PTPRJ: variants seen among roughly 807,000 people sequenced by gnomAD.
PTPRJ encodes the protein receptor-type tyrosine-protein phosphatase eta.
PTPRJ carries 129 observed loss-of-function variants against 141.3 expected under a neutral mutation model. The ratio of observed to expected loss-of-function variants is 0.91; its 90% confidence interval spans 0.79 to 1.06. PTPRJ has a LOEUF of 1.06. Ranked by LOEUF, PTPRJ falls within the 50% of genes least tolerant of loss-of-function variation. The pLI is 0.00. For synonymous variants in PTPRJ, 610 were observed against 640.5 expected (o/e 0.95, Z 0.72); for missense variants, 1,601 against 1,679.7 (o/e 0.95, Z 0.82).
chr11:48,097,532 C>G (rs1049236035), intron 1 of PTPRJ, among the ~76,000 whole-genome samples: 10 of 151,790 alleles, frequency 6.6e-5, no homozygotes, highest in African/African-American at 2.4e-4. Flanking sequence ...ATGGTTCCAC[C>G]TGAAGAAAAT....
At chr11:48,159,522 T>A (rs2134385024) in intron 21 of PTPRJ, among the ~76,000 whole-genome samples, 1 of 152,352 alleles carries the variant, frequency 6.6e-6, no homozygotes, top group East Asian at 1.9e-4. Flanking sequence ...TAGGCAGATC[T>A]GATTTTTAAA....
chr11:48,089,605 TTG>T (rs1321646556), intron 1 of PTPRJ, among the ~76,000 whole-genome samples: 1 of 151,616 alleles, frequency 6.6e-6, no homozygotes, highest in African/African-American at 2.4e-5. Flanking sequence ...TTGTTAATGG[TTG>T]TGTGTCTTTT....
chr11:48,052,482 A>G (rs765407323), intron 1 of PTPRJ, among the ~76,000 whole-genome samples: 12 of 152,154 alleles, frequency 7.9e-5, no homozygotes, highest in Non-Finnish European at 1.6e-4. Flanking sequence ...GCCTTGGGTT[A>G]GTGCCAGAGC....
chr11:48,024,040 C>T (rs1853736876), intron 1 of PTPRJ, among the ~76,000 whole-genome samples: 1 of 151,766 alleles, frequency 6.6e-6, no homozygotes, highest in African/African-American at 2.4e-5. Flanking sequence ...GTGTTAGCAC[C>T]CCTTATCCAG....
chr11:48,003,114 C>T (rs1209312543), intron 1 of PTPRJ, among the ~76,000 whole-genome samples: 2 of 152,074 alleles, frequency 1.3e-5, no homozygotes, highest in Non-Finnish European at 2.9e-5. Context: ...ATAAAGAGAA[C>T]TTTTTATTTT....
chr11:48,066,553 CGT>C lies in PTPRJ; in HGVS notation c.97-43504_97-43503del, dbSNP rs1565285719. Among the ~76,000 whole-genome samples, 6 of 117,160 alleles carry C rather than the reference CGT, an allele frequency of 5.1e-5. No individual in the cohort carries two copies. The East Asian group carries it at 7.1e-4, about 14-fold the overall frequency. The allele number at this position is 117,160 out of a possible 152,430, so 76.9% of individuals were successfully genotyped here. A position where few individuals can be genotyped will look rare whatever the true frequency, so the allele number is the denominator to read the frequency against. ...GCTGGTTTTATAGGAATTATCCAGT[CGT>C]ATTATTATTATTATTATTATTATTA... On this transcript the variant is annotated intron_variant, in intron 1 of 24. Transcript: ENST00000418331.
chr11:48,040,632 A>T (rs1187919203), intron 1 of PTPRJ, among the ~76,000 whole-genome samples: 5 of 123,238 alleles, frequency 4.1e-5, no homozygotes, highest in Admixed American at 7.9e-5. Context: ...TTTTTTTGAG[A>T]CGGAGTCTTT....
chr11:48,123,424 T>C (rs1268814121), intron 4 of PTPRJ, among the ~76,000 whole-genome samples, 189 bp from the exon 5 acceptor site: 1 of 152,182 alleles, frequency 6.6e-6, no homozygotes, highest in Non-Finnish European at 1.5e-5. Flanking sequence ...TGCTGTGAAA[T>C]GATGGAAATG....
At chr11:48,075,890 C>T (rs1213784061) in intron 1 of PTPRJ, among the ~76,000 whole-genome samples, 1 of 152,192 alleles carries the variant, frequency 6.6e-6, no homozygotes, top group African/African-American at 2.4e-5. Flanking sequence ...TTCAGCCAAC[C>T]TGCCCGTTGT....
At chr11:48,140,095 C>T (rs1012438322) in intron 11 of PTPRJ, among the ~76,000 whole-genome samples, 11 of 152,100 alleles carry the variant, frequency 7.2e-5, no homozygotes, top group South Asian at 2.1e-4. Context: ...AATGCAGTGA[C>T]GCAATCTCAG....
At chr11:48,126,518 G>A (rs887619919) in intron 6 of PTPRJ, among the ~76,000 whole-genome samples, 5 of 151,918 alleles carry the variant, frequency 3.3e-5, no homozygotes, top group African/African-American at 9.7e-5. Context: ...CTGAGACTGG[G>A]GTGCAGCATG....
intron 22 of PTPRJ, 35 bp from the exon 23 acceptor site, chr11:48,163,419 CCTTT>C (rs3830431): frequency 0.53 from 847,907 of 1,594,242 alleles, 235,305 homozygotes; most frequent in Admixed American, 0.62. Flanking sequence ...TGTTAGGCAG[CCTTT>C]CTGTCTGGAT....
intron 1 of PTPRJ, among the ~76,000 whole-genome samples, chr11:48,036,349 CAG>C (rs1266538833): frequency 1.3e-5 from 2 of 152,234 alleles, no homozygotes; most frequent in African/African-American, 4.8e-5. Flanking sequence ...GTTTTAACTG[CAG>C]AGTTTCCAGT....
Position 48,156,018 on chromosome 11 carries a change from CA to C in PTPRJ, c.3339del (p.Gly1114AspfsTer7), listed in dbSNP as rs763677074. 1.2e-6 allele frequency: 2 copies of C among 1,608,980 alleles called. No homozygotes were observed. Among genetic ancestry groups the C allele is most frequent in the Non-Finnish European group, 1.7e-6 (2 of 1,175,364 alleles). On this transcript the variant is annotated frameshift_variant, in exon 21 of 25. Coordinates refer to ENST00000418331, the MANE Select transcript of PTPRJ (RefSeq NM_002843.4). LOFTEE classifies it high-confidence loss of function. ...CTCCAAGAAAGATTTTATTGCCACA[CA>C]AGGACCTTTACCGAACACTTTGAAA... ...YHSKKDFIAT[Q>X]GPLPNTLKDF...
At position 48,123,651 on chromosome 11, in the gene PTPRJ, G is replaced by C. The variant is rs377500645; in HGVS notation, c.655G>C (p.Gly219Arg). 131 of 1,613,890 alleles carry C rather than the reference G, an allele frequency of 8.1e-5. No individual in the cohort carries two copies. Among genetic ancestry groups the C allele is most frequent in the Non-Finnish European group, 1.1e-4 (131 of 1,179,900 alleles). ...TTCTGATCTCCGTGTTGCCCTCACG[G>C]GTGTGAGGAAGGCTGCTCTCTCCTG... ...PVSDLRVALT[G>R]VRKAALSWSN... is the part of the protein sequence containing the mutation. The change falls in exon 5 of 25, where the codon GGT becomes CGT. Residue 219 changes from glycine to arginine, a missense_variant. Transcript: ENST00000418331.
intron 16 of PTPRJ, 178 bp downstream of exon 16, chr11:48,149,666 C>T (rs1053946972): frequency 9.0e-6 from 5 of 552,702 alleles, no homozygotes; most frequent in South Asian, 5.2e-5. Context: ...TTATTAGTCT[C>T]CTGAAGCTGG....
At chr11:48,125,780 G>T (rs1856815562) in intron 6 of PTPRJ, among the ~76,000 whole-genome samples, 1 of 152,216 alleles carries the variant, frequency 6.6e-6, no homozygotes, top group Non-Finnish European at 1.5e-5. Context: ...AGGGCTAGAA[G>T]TTTTGGCAAG....
Position 48,137,011 on chromosome 11 carries a change from A to G in PTPRJ, c.1882A>G (p.Asn628Asp). ...TTTTTTTTAAAATCAAGGGCCCAGCAATGTGTCCAACATTGATGTAAGTAC... is the reference window on the plus strand; with the variant it reads ...TTTTTTTTAAAATCAAGGGCCCAGCGATGTGTCCAACATTGATGTAAGTAC... Reference protein sequence around the residue: ...NSTAQYTRPSNVSNIDVSTNT... With the variant: ...NSTAQYTRPSDVSNIDVSTNT... The change falls in exon 10 of 25, where the codon AAT (asparagine) becomes GAT (aspartate). Residue 628 changes from asparagine (N) to aspartate (D), a missense_variant. Transcript: ENST00000418331. The G allele has an allele frequency of 1.2e-6, 2 of 1,600,014 alleles. No homozygotes were observed. The highest frequency in any genetic ancestry group is 1.7e-6 in the Non-Finnish European group (2 of 1,167,408).
intron 1 of PTPRJ, among the ~76,000 whole-genome samples, chr11:48,006,410 G>A (rs904641142): frequency 6.6e-6 from 1 of 152,110 alleles, no homozygotes; most frequent in Non-Finnish European, 1.5e-5. Context: ...AGCAGGTGCA[G>A]GCAGGTGTGG....
Sources: allele counts gnomAD v4.1 joint callset (sites outside exome capture counted in the v4.1 genomes callset), GRCh38; gene constraint gnomAD v4.1.1; transcripts MANE v1.5; gene names NCBI Gene and HGNC (gene_info 2026-07-23, HGNC 2026-07-21).